Variants in FRMPD4 observed in about 807,000 individuals in gnomAD.
The protein encoded by FRMPD4 is FERM and PDZ domain-containing protein 4.
Under a neutral mutation model 94.1 loss-of-function variants are expected in FRMPD4, and 22 were observed. That is an observed-to-expected ratio of 0.23 (90% CI 0.17 to 0.33). The LOEUF is 0.33. Among genes scored for constraint, FRMPD4 ranks in the 10% least tolerant of loss-of-function variants. The pLI is 1.00. For synonymous variants in FRMPD4, 631 were observed against 548.6 expected (o/e 1.15, Z -2.10); for missense variants, 1,111 against 1,339.9 (o/e 0.83, Z 2.67).
intron 3 of FRMPD4, among the ~76,000 whole-genome samples, chrX:12,088,694 T>C (rs1335127208): frequency 1.8e-5 from 2 of 112,205 alleles, no homozygotes; most frequent in African/African-American, 6.5e-5. Context: ...CCCCAGGGAA[T>C]AGTAACTTTT....
intron 3 of FRMPD4, among the ~76,000 whole-genome samples, chrX:12,106,701 C>A (rs1286889964): frequency 9.0e-6 from 1 of 111,670 alleles, no homozygotes; most frequent in Non-Finnish European, 1.9e-5. Flanking sequence ...TCACTCCCAC[C>A]CTAATACTGC....
chrX:12,342,161 C>A (rs893279025), intron 1 of FRMPD4, among the ~76,000 whole-genome samples: 1 of 111,935 alleles, frequency 8.9e-6, no homozygotes, highest in Non-Finnish European at 1.9e-5. Context: ...TTGGAGCTAG[C>A]TACAATACAA....
chrX:11,849,822 C>T (rs1308267467), intron 1 of FRMPD4, among the ~76,000 whole-genome samples: 1 of 110,848 alleles, frequency 9.0e-6, no homozygotes, highest in African/African-American at 3.3e-5. Flanking sequence ...AACTATAAAA[C>T]TCTTTGAAGC....
At chrX:11,849,907 C>T (rs1569110752) in intron 1 of FRMPD4, among the ~76,000 whole-genome samples, 2 of 111,106 alleles carry the variant, frequency 1.8e-5, no homozygotes, top group Non-Finnish European at 3.8e-5. Context: ...GCATAGGCAA[C>T]AAAATAAAAA....
At chrX:12,126,703 G>C in intron 3 of FRMPD4, among the ~76,000 whole-genome samples, 1 of 111,636 alleles carries the variant, frequency 9.0e-6, no homozygotes, top group East Asian at 2.8e-4. Context: ...TGAATTCCTT[G>C]AAGTCTAATT....
chrX:12,421,489 G>A (rs1010768132), intron 1 of FRMPD4, among the ~76,000 whole-genome samples: 6 of 111,303 alleles, frequency 5.4e-5, no homozygotes, highest in Non-Finnish European at 1.1e-4. Flanking sequence ...CTGATGTGGA[G>A]GTTTAAGCCT....
chrX:12,573,638 T>G (rs752239695), intron 2 of FRMPD4, among the ~76,000 whole-genome samples: 8 of 112,707 alleles, frequency 7.1e-5, no homozygotes, highest in Non-Finnish European at 1.5e-4. Context: ...GGGGTCCATA[T>G]AGTCTTAACT....
In FRMPD4 at chrX:11,975,318, C is replaced by T. The variant is rs112130415; in HGVS notation, c.95+97300C>T. On this transcript the variant is annotated intron_variant, in intron 3 of 18. Coordinates refer to the FRMPD4 transcript ENST00000640291. ...GCATGCTATCAGGAAAATTTGCAGG[C>T]ACTGCAATCAGACACACTGGGGCTT... 5.5e-3 allele frequency among the ~76,000 whole-genome samples: 613 copies of T among 112,417 alleles called. 3 individuals are homozygous for T. Among genetic ancestry groups the T allele is most frequent in the African/African-American group, 0.019 (589 of 30,953 alleles).
At chrX:12,245,769 A>C (rs2053948606) in intron 1 of FRMPD4, among the ~76,000 whole-genome samples, 1 of 110,323 alleles carries the variant, frequency 9.1e-6, no homozygotes, top group African/African-American at 3.3e-5. Flanking sequence ...AAGAAGGATG[A>C]GTTCAGCCTA....
intron 1 of FRMPD4, among the ~76,000 whole-genome samples, chrX:12,441,985 T>C (rs938579409): frequency 1.8e-5 from 2 of 111,323 alleles, no homozygotes; most frequent in African/African-American, 6.6e-5. Flanking sequence ...AATGAGCTCC[T>C]TTCAGAGAGG....
intron 3 of FRMPD4, among the ~76,000 whole-genome samples, chrX:12,077,920 C>T (rs781317231): frequency 2.7e-5 from 3 of 112,185 alleles, no homozygotes; most frequent in Non-Finnish European, 5.6e-5. Context: ...CTTAAAGCAA[C>T]ACACATTATT....
At chrX:11,835,431 A>G (rs933605696) in intron 1 of FRMPD4, among the ~76,000 whole-genome samples, 1 of 112,228 alleles carries the variant, frequency 8.9e-6, no homozygotes, top group Non-Finnish European at 1.9e-5. Flanking sequence ...GCACGAAGGC[A>G]GCAGGACTAA....
At chrX:12,128,081 G>A (rs1275882378) in intron 3 of FRMPD4, among the ~76,000 whole-genome samples, 2 of 112,790 alleles carry the variant, frequency 1.8e-5, no homozygotes, top group Admixed American at 9.3e-5. Flanking sequence ...GGTGCACAGT[G>A]CAAGCTGTCG....
intron 1 of FRMPD4, among the ~76,000 whole-genome samples, chrX:12,174,192 T>C (rs1468530576): frequency 8.9e-6 from 1 of 112,629 alleles, no homozygotes; most frequent in Non-Finnish European, 1.9e-5. Context: ...GCAGCCACAA[T>C]TTGTAAATGA....
At chrX:12,266,857 C>T (rs911084774) in intron 1 of FRMPD4, among the ~76,000 whole-genome samples, 7 of 111,906 alleles carry the variant, frequency 6.3e-5, no homozygotes, top group African/African-American at 2.3e-4. Flanking sequence ...GTTACAGATG[C>T]TCCTCGAGTT....
chrX:12,189,199 A>G (rs1294093998), intron 1 of FRMPD4, among the ~76,000 whole-genome samples: 1 of 111,779 alleles, frequency 8.9e-6, no homozygotes, highest in Non-Finnish European at 1.9e-5. Flanking sequence ...TCCTTGAAAC[A>G]CAATCTGCCA....
At chrX:12,617,097 A>T (rs2059242943) in intron 4 of FRMPD4, among the ~76,000 whole-genome samples, 1 of 112,192 alleles carries the variant, frequency 8.9e-6, no homozygotes. Flanking sequence ...TCTGTAAAAA[A>T]AGCGCTCTCT....
At chrX:11,836,443 C>G (rs1268804016) in intron 1 of FRMPD4, among the ~76,000 whole-genome samples, 1 of 111,555 alleles carries the variant, frequency 9.0e-6, no homozygotes, top group Non-Finnish European at 1.9e-5. Flanking sequence ...AGACACTGTG[C>G]TAAGTGCTTT....
At chrX:12,512,168 G>A (rs2058049875) in intron 2 of FRMPD4, among the ~76,000 whole-genome samples, 1 of 112,523 alleles carries the variant, frequency 8.9e-6, no homozygotes, top group Non-Finnish European at 1.9e-5. Context: ...TGTGTACATT[G>A]TTTTTTAAGG....
Sources: allele counts gnomAD v4.1 joint callset (sites outside exome capture counted in the v4.1 genomes callset), GRCh38; gene constraint gnomAD v4.1.1; transcripts MANE v1.5; gene names NCBI Gene and HGNC (gene_info 2026-07-23, HGNC 2026-07-21).